CTNNBIP1: variants seen among roughly 807,000 people sequenced by gnomAD.
The protein encoded by CTNNBIP1 is beta-catenin-interacting protein 1.
Under a neutral mutation model 11.8 loss-of-function variants are expected in CTNNBIP1, and 7 were observed. The observed-to-expected ratio is 0.60, with a 90% CI of 0.34 to 1.12. The LOEUF (loss-of-function observed/expected upper bound fraction) is 1.12. Among genes scored for constraint, CTNNBIP1 ranks in the 50% most tolerant of loss-of-function variants. The pLI, the probability that CTNNBIP1 is intolerant of heterozygous loss-of-function variation, is 0.03. For missense variants in CTNNBIP1, 101 were observed against 113.4 expected, an observed-to-expected ratio of 0.89 and a Z score of 0.50; for synonymous variants, 58 against 43.9, an observed-to-expected ratio of 1.32 and a Z score of -1.26.
At chr1:9,885,200 G>A (rs1639160548) in intron 1 of CTNNBIP1, among the ~76,000 whole-genome samples, 1 of 152,164 alleles carries the variant, frequency 6.6e-6, no homozygotes, top group South Asian at 2.1e-4. Context: ...CGCACTGTGG[G>A]ATGTGGGGGC....
intron 1 of CTNNBIP1, among the ~76,000 whole-genome samples, chr1:9,891,281 T>C (rs1463818958): frequency 6.6e-6 from 1 of 152,114 alleles, no homozygotes; most frequent in Non-Finnish European, 1.5e-5. Flanking sequence ...GGCCTGGGCA[T>C]GGCCCGGCCC....
chr1:9,857,856 A>G (rs1638541881), intron 5 of CTNNBIP1, among the ~76,000 whole-genome samples: 1 of 152,208 alleles, frequency 6.6e-6, no homozygotes. Context: ...ACCATTTCAC[A>G]TCTACTAGAA....
chr1:9,852,029 C>A (rs573946225), intron 5 of CTNNBIP1, among the ~76,000 whole-genome samples: 5 of 152,306 alleles, frequency 3.3e-5, no homozygotes, highest in African/African-American at 7.2e-5. Context: ...TGTGCTACTG[C>A]AGGTATTCTC....
Position 9,871,176 on chromosome 1 carries a change from C to A in CTNNBIP1, c.187+11G>T, listed in dbSNP as rs1450683703. On this transcript the variant is annotated intron_variant, in intron 5 of 5. Transcript: ENST00000377263. The surrounding 1 kb of genome is among the most constrained non-coding windows in gnomAD (Gnocchi z 5.2). ...TGTGCCACTGCCCCAGCCCCTCTGC[C>A]GCCAACTCACCCTGGTCGATGGAGT... 2.6e-6 allele frequency: 4 copies of A among 1,557,944 alleles called. No individual in the cohort carries two copies. The highest frequency in any genetic ancestry group is 2.6e-6 in the Non-Finnish European group (3 of 1,151,734).
At chr1:9,858,246 C>T (rs1638549257) in intron 5 of CTNNBIP1, among the ~76,000 whole-genome samples, 1 of 152,182 alleles carries the variant, frequency 6.6e-6, no homozygotes, top group Non-Finnish European at 1.5e-5. Context: ...CTCCACATAA[C>T]TGCCAGGGGG....
At position 9,851,880 on chromosome 1, in the gene CTNNBIP1, C is replaced by T. The variant is rs1638394666; in HGVS notation, c.188-1104G>A. Among the ~76,000 whole-genome samples the T allele has an allele frequency of 6.6e-6, 1 of 152,178 alleles. No individual in the cohort carries two copies. Among genetic ancestry groups the T allele is most frequent in the Non-Finnish European group, 1.5e-5 (1 of 68,030 alleles). ...GACATGGCCAGGGAGGGGCTGTGGG[C>T]CAGGAGGTGACCTGTAGGGCCCCAC... is the stretch of plus-strand genomic sequence containing the variant. On this transcript the variant is annotated intron_variant, in intron 5 of 5. Transcript: ENST00000377263. The surrounding 1 kb of genome is among the most constrained non-coding windows in gnomAD (Gnocchi z 4.8).
At chr1:9,873,439 G>T (rs1638905139) in intron 3 of CTNNBIP1, among the ~76,000 whole-genome samples, 1 of 152,160 alleles carries the variant, frequency 6.6e-6, no homozygotes, top group South Asian at 2.1e-4. Context: ...CCAGCATGGG[G>T]AAGGCCATAA....
chr1:9,879,369 T>A (rs1320764736), intron 2 of CTNNBIP1, among the ~76,000 whole-genome samples: 1 of 152,108 alleles, frequency 6.6e-6, no homozygotes, highest in Non-Finnish European at 1.5e-5. Context: ...CTGTCTTCAA[T>A]GAATTCTGAA....
rs1293945126 is a variant in CTNNBIP1, at chr1:9,871,334, C to T, written c.97-57G>A. The T allele has an allele frequency of 4.6e-5, 60 of 1,309,192 alleles. No individual in the cohort carries two copies. The highest frequency in any genetic ancestry group is 6.3e-5 in the Non-Finnish European group (59 of 932,278). The allele number at this position is 1,309,192 out of a possible 1,614,324, so 81.1% of individuals were successfully genotyped here. ...GCATGCACCTGTTCCCTGAAAGGCA[C>T]CTGCACCCCTAGAGGCACCGCCTAG... On this transcript the variant is annotated intron_variant, in intron 4 of 5. Coordinates refer to ENST00000377263, the MANE Select transcript of CTNNBIP1 (RefSeq NM_020248.3). The surrounding 1 kb of genome is among the most constrained non-coding windows in gnomAD (Gnocchi z 5.2).
At chr1:9,894,927 AG>A (rs1639380028) in intron 1 of CTNNBIP1, among the ~76,000 whole-genome samples, 1 of 66,142 alleles carries the variant, frequency 1.5e-5, no homozygotes, top group African/African-American at 1.6e-4. Context: ...TTTTTTTTTG[AG>A]ACAGAGTCTC....
chr1:9,880,142 C>T (rs1009864977), intron 2 of CTNNBIP1, among the ~76,000 whole-genome samples: 1 of 151,862 alleles, frequency 6.6e-6, no homozygotes, highest in African/African-American at 2.4e-5. Context: ...CCCAGCCCCC[C>T]AACAGGCCCC....
At chr1:9,900,141 C>A (rs143503793) in intron 1 of CTNNBIP1, among the ~76,000 whole-genome samples, 1 of 151,736 alleles carries the variant, frequency 6.6e-6, no homozygotes, top group African/African-American at 2.4e-5. Context: ...CTGTGGCTCA[C>A]GCTTGTAATC....
In CTNNBIP1 at chr1:9,871,697, G is replaced by C. The variant is rs1451077872; in HGVS notation, c.96+272C>G. Among the ~76,000 whole-genome samples the C allele has an allele frequency of 1.3e-5, 2 of 152,278 alleles. No homozygotes were observed. The highest frequency in any genetic ancestry group is 6.5e-5 in the Admixed American group (1 of 15,302). On this transcript the variant is annotated intron_variant, in intron 4 of 5. Coordinates refer to ENST00000377263, the MANE Select transcript of CTNNBIP1 (RefSeq NM_020248.3). The surrounding 1 kb of genome is among the most constrained non-coding windows in gnomAD (Gnocchi z 5.2). Reference sequence around the variant, plus strand: ...GGAGAGAAGACTTTCGGGCTTGTGAGGGGGAGAAAAGGAAGGTCAGGGCCT... The same window carrying C: ...GGAGAGAAGACTTTCGGGCTTGTGACGGGGAGAAAAGGAAGGTCAGGGCCT...
intron 5 of CTNNBIP1, among the ~76,000 whole-genome samples, chr1:9,868,969 G>A (rs535747253): frequency 5.6e-4 from 85 of 151,694 alleles, no homozygotes; most frequent in African/African-American, 1.9e-3. Context: ...TGACAGTCTG[G>A]TATATATTCC....
At position 9,850,732 on chromosome 1, in the gene CTNNBIP1, C is replaced by G; in HGVS notation, c.232G>C (p.Asp78His). The part of the protein sequence containing the change: ...VMAFSRSETE[D>H]RRQ The stretch of plus-strand genomic sequence containing the variant: ...GGGCTTTGCAGCTACTGCCTCCGGT[C>G]TTCCGTCTCCGACCTGGAAAACGCC... The change falls in exon 6 of 6, where the codon GAC (aspartate) becomes CAC (histidine). Residue 78 changes from aspartate (D) to histidine (H), a missense_variant. Coordinates refer to ENST00000377263, the MANE Select transcript of CTNNBIP1 (RefSeq NM_020248.3). The G allele has an allele frequency of 4.3e-6, 7 of 1,613,950 alleles. No individual in the cohort carries two copies. Among genetic ancestry groups the G allele is most frequent in the Non-Finnish European group, 5.9e-6 (7 of 1,179,888 alleles).
chr1:9,864,550 A>T (rs138192549), intron 5 of CTNNBIP1, among the ~76,000 whole-genome samples: 2 of 152,082 alleles, frequency 1.3e-5, no homozygotes, highest in Non-Finnish European at 2.9e-5. Flanking sequence ...GGATGGTCTC[A>T]ATCTCCTGAC....
chr1:9,878,111 A>T (rs1371553045), intron 2 of CTNNBIP1, 122 bp from the exon 3 acceptor site: 1 of 152,402 alleles, frequency 6.6e-6, no homozygotes, highest in Non-Finnish European at 1.5e-5. Flanking sequence ...AAGCTCATGG[A>T]GCTGGGTTCT....
chr1:9,900,824 A>T (rs1639507570), intron 1 of CTNNBIP1, among the ~76,000 whole-genome samples: 1 of 152,234 alleles, frequency 6.6e-6, no homozygotes, highest in Non-Finnish European at 1.5e-5. Context: ...GGCCAGAGGA[A>T]GGCTATGTGC....
At chr1:9,905,540 A>C (rs1281610874) in intron 1 of CTNNBIP1, among the ~76,000 whole-genome samples, 1 of 151,544 alleles carries the variant, frequency 6.6e-6, no homozygotes, top group Non-Finnish European at 1.5e-5. Flanking sequence ...CTCCTGCCTC[A>C]GCCTCCTGAG....
Sources: gnomAD v4.1 joint callset for allele counts (sites outside exome capture counted in the v4.1 genomes callset) on GRCh38, gnomAD v4.1.1 for gene constraint, Gnocchi (gnomAD v3.1) non-coding constraint, MANE v1.5 for transcripts, NCBI Gene and HGNC (gene_info 2026-07-23, HGNC 2026-07-21) for gene names.